The following PRIM2 variants were observed in gnomAD, a reference collection of about 807,000 sequenced individuals.
The protein encoded by PRIM2 is DNA primase subunit 2, also known as DNA primase large subunit.
Under a neutral mutation model 67.3 loss-of-function variants are expected in PRIM2, and 39 were observed. That is an observed-to-expected ratio of 0.58 (90% confidence interval 0.45 to 0.76). The LOEUF is 0.76. Among genes scored for constraint, PRIM2 ranks in the 30% least tolerant of loss-of-function variants. PRIM2 has a pLI of 0.00. For synonymous variants in PRIM2, 143 were observed against 198.7 expected (o/e 0.72, Z 2.36); for missense variants, 398 against 598.7 (o/e 0.66, Z 3.50).
chr6:57,460,881 C>G (rs1163776563), intron 7 of PRIM2, among the ~76,000 whole-genome samples: 1 of 152,204 alleles, frequency 6.6e-6, no homozygotes, highest in African/African-American at 2.4e-5. Flanking sequence ...TCCAGCTTAA[C>G]TGAACGGTTC....
At chr6:57,538,167 A>G (rs1775039613) in intron 10 of PRIM2, among the ~76,000 whole-genome samples, 1 of 152,036 alleles carries the variant, frequency 6.6e-6, no homozygotes, top group Non-Finnish European at 1.5e-5. Context: ...GGTGGACACC[A>G]TTATGCCTGG....
intron 7 of PRIM2, among the ~76,000 whole-genome samples, chr6:57,490,488 G>A (rs1773863759): frequency 6.6e-6 from 1 of 152,052 alleles, no homozygotes; most frequent in Non-Finnish European, 1.5e-5. Context: ...GATAACAAAA[G>A]GAATAGTATA....
chr6:57,399,232 A>C (rs576326626), intron 7 of PRIM2, among the ~76,000 whole-genome samples: 4 of 151,800 alleles, frequency 2.6e-5, no homozygotes, highest in African/African-American at 9.7e-5. Context: ...GATATTCCCC[A>C]CCCTGTGTCC....
intron 10 of PRIM2, among the ~76,000 whole-genome samples, chr6:57,549,957 T>C (rs1373957600): frequency 1.3e-5 from 2 of 152,090 alleles, no homozygotes; most frequent in Non-Finnish European, 2.9e-5. Flanking sequence ...TGCTGGTACA[T>C]ACCTGTAATC....
chr6:57,398,504 C>T (rs537915407), intron 7 of PRIM2, among the ~76,000 whole-genome samples: 74 of 152,024 alleles, frequency 4.9e-4, no homozygotes, highest in Admixed American at 4.5e-3. Context: ...CATGGTGGTC[C>T]GTGAGTGTGT....
chr6:57,286,070 A>C, the PRIM2 span, among the ~76,000 whole-genome samples: 1 of 152,178 alleles, frequency 6.6e-6, no homozygotes, highest in African/African-American at 2.4e-5. Flanking sequence ...GGACGTCTTC[A>C]AGGAAAACTA....
intron 7 of PRIM2, among the ~76,000 whole-genome samples, chr6:57,447,106 A>G (rs951943419): frequency 2.6e-5 from 4 of 152,204 alleles, no homozygotes; most frequent in South Asian, 2.1e-4. Flanking sequence ...ATTGCTTAAA[A>G]TCTTCTTTCT....
rs1206960989 is a variant in PRIM2 at position 57,550,245 on chromosome 6, CTT to C, written c.1020+12621_1020+12622del. ...TGCAGTGAAATTTGTTATATTCTCTCTTATAAATATTTTGGTGTATAATAAAG... is the reference window on the plus strand; with the variant it reads ...TGCAGTGAAATTTGTTATATTCTCTCATAAATATTTTGGTGTATAATAAAG... On this transcript the variant is annotated intron_variant, in intron 10 of 13. Transcript: ENST00000615550. Among the ~76,000 whole-genome samples, 824 of 152,274 alleles carry C rather than the reference CTT, an allele frequency of 5.4e-3. 8 individuals are homozygous for C. The highest frequency in any genetic ancestry group is 0.019 in the African/African-American group (787 of 41,546).
intron 5 of PRIM2, among the ~76,000 whole-genome samples, chr6:57,372,904 G>A (rs147979906): frequency 1.3e-5 from 2 of 152,120 alleles, no homozygotes; most frequent in African/African-American, 4.8e-5. Flanking sequence ...GAATAGTGCT[G>A]CAGTGAACAT....
At chr6:57,609,417 TG>T (rs1293673880) in intron 12 of PRIM2, among the ~76,000 whole-genome samples, 1 of 152,182 alleles carries the variant, frequency 6.6e-6, no homozygotes, top group Non-Finnish European at 1.5e-5. Flanking sequence ...AATGATATTC[TG>T]GTTATAGAAA....
chr6:57,531,717 C>G (rs1332749722), intron 8 of PRIM2, among the ~76,000 whole-genome samples: 5 of 152,090 alleles, frequency 3.3e-5, no homozygotes, highest in Non-Finnish European at 7.4e-5. Flanking sequence ...TTTGAGTTCC[C>G]ACTGCACTGC....
intron 7 of PRIM2, among the ~76,000 whole-genome samples, chr6:57,430,324 T>C (rs1239759631): frequency 9.2e-5 from 14 of 152,094 alleles, no homozygotes; most frequent in Non-Finnish European, 1.6e-4. Context: ...CTCATAGCAT[T>C]AAGTAGCTAG....
At chr6:57,310,445 A>T (rs1341342749), upstream of PRIM2, among the ~76,000 whole-genome samples, 1 of 152,242 alleles carries the variant, frequency 6.6e-6, no homozygotes. Flanking sequence ...TCCTATGTCT[A>T]CTTCTTTCTA....
chr6:57,234,876 C>T, the PRIM2 span, among the ~76,000 whole-genome samples: 331 of 152,248 alleles, frequency 2.2e-3, 2 homozygotes, highest in Admixed American at 3.7e-3. Context: ...TGTAACAAAT[C>T]GGTATTGATT....
At chr6:57,573,110 C>T (rs1775892898) in intron 10 of PRIM2, among the ~76,000 whole-genome samples, 1 of 152,188 alleles carries the variant, frequency 6.6e-6, no homozygotes, top group Admixed American at 6.5e-5. Flanking sequence ...ATGCTTGAGC[C>T]ACTGCAGCTG....
At chr6:57,429,443 A>G (rs1174204447) in intron 7 of PRIM2, among the ~76,000 whole-genome samples, 1 of 152,186 alleles carries the variant, frequency 6.6e-6, no homozygotes, top group African/African-American at 2.4e-5. Flanking sequence ...TAAGTGGACC[A>G]AGGACAGAAC....
At chr6:57,405,595 A>G (rs569835029) in intron 7 of PRIM2, among the ~76,000 whole-genome samples, 273 of 134,560 alleles carry the variant, frequency 2.0e-3, no homozygotes, top group Non-Finnish European at 3.1e-3. Context: ...TTTACCTGTG[A>G]TGCTTAATAA....
rs1167488479 is a variant in PRIM2 at position 57,433,927 on chromosome 6, T to TG, written c.693+51759_693+51760insG. ...ACAAGCAACTTCTCTGTTCCCTGTT[T>TG]TTTTTTTTTTTTTTGAGACAGAGTT... On this transcript the variant is annotated intron_variant, in intron 7 of 13. Transcript: ENST00000615550. Among the ~76,000 whole-genome samples the TG allele has an allele frequency of 1.2e-4, 18 of 150,880 alleles. No individual in the cohort carries two copies. The South Asian group carries it at 2.7e-3, about 23-fold the overall frequency.
At chr6:57,416,029 A>G (rs111838817) in intron 7 of PRIM2, among the ~76,000 whole-genome samples, 13,346 of 152,212 alleles carry the variant, frequency 0.088, 601 homozygotes, top group South Asian at 0.11. Flanking sequence ...GTGAATCACA[A>G]ATGTTCTTAA....
Sources: gnomAD v4.1 joint callset for allele counts (sites outside exome capture counted in the v4.1 genomes callset) on GRCh38, gnomAD v4.1.1 for gene constraint, MANE v1.5 for transcripts, NCBI Gene and HGNC (gene_info 2026-07-23, HGNC 2026-07-21) for gene names.